Variants in AFG2A observed in about 807,000 individuals in gnomAD.
The protein encoded by AFG2A is AAA ATPase AFG2A.
At chr4:123,242,605 G>T in the AFG2A span, among the ~76,000 whole-genome samples, 1 of 152,272 alleles carries the variant, frequency 6.6e-6, no homozygotes, top group South Asian at 2.1e-4. Flanking sequence ...AATTCAAGAT[G>T]TATTAAAGAC....
chr4:122,934,178 A>C, the AFG2A span: 2 of 1,614,172 alleles, frequency 1.2e-6, no homozygotes, highest in East Asian at 2.2e-5. Flanking sequence ...TTGCGAGTGA[A>C]AGGGGCAGAT....
At chr4:122,927,708 A>G in the AFG2A span, 1 of 1,613,398 alleles carries the variant, frequency 6.2e-7, no homozygotes, top group Non-Finnish European at 8.5e-7. Context: ...GTCTGCAAAT[A>G]TATGTATAGG....
the AFG2A span, among the ~76,000 whole-genome samples, chr4:123,099,945 A>G: frequency 2.6e-5 from 4 of 152,016 alleles, 1 homozygote; most frequent in Admixed American, 2.6e-4. Context: ...GTGTTTAGAT[A>G]TATTTGTTTA....
the AFG2A span, among the ~76,000 whole-genome samples, chr4:123,003,125 G>A: frequency 1.3e-5 from 2 of 152,006 alleles, no homozygotes; most frequent in Admixed American, 6.6e-5. Flanking sequence ...CATTCTTCAC[G>A]TAGTTCTCGA....
At chr4:123,238,161 CAA>C in the AFG2A span, among the ~76,000 whole-genome samples, 46 of 152,278 alleles carry the variant, frequency 3.0e-4, no homozygotes, top group South Asian at 7.1e-3. Flanking sequence ...AGTAGGTAAA[CAA>C]AGTGGCCAGG....
At chr4:123,143,349 C>G in the AFG2A span, among the ~76,000 whole-genome samples, 1 of 152,058 alleles carries the variant, frequency 6.6e-6, no homozygotes, top group African/African-American at 2.4e-5. Context: ...GTCGCTATTA[C>G]ATTAACTATA....
the AFG2A span, among the ~76,000 whole-genome samples, chr4:123,033,201 A>G: frequency 1.3e-5 from 2 of 152,214 alleles, no homozygotes; most frequent in African/African-American, 4.8e-5. Context: ...GATTACAAAT[A>G]AGGATAATGA....
the AFG2A span, among the ~76,000 whole-genome samples, chr4:123,152,069 T>G: frequency 2.0e-5 from 3 of 150,448 alleles, no homozygotes; most frequent in East Asian, 5.9e-4. Flanking sequence ...TAAGTGGGAG[T>G]TGAACAATGA....
the AFG2A span, among the ~76,000 whole-genome samples, chr4:123,146,048 T>C: frequency 3.3e-5 from 5 of 152,250 alleles, no homozygotes; most frequent in Non-Finnish European, 7.4e-5. Flanking sequence ...GAGATTGATT[T>C]GCTGTCATGA....
the AFG2A span, among the ~76,000 whole-genome samples, chr4:123,166,245 C>T: frequency 6.6e-6 from 1 of 152,166 alleles, no homozygotes; most frequent in East Asian, 1.9e-4. Context: ...ACAATCTAAT[C>T]AGCTTCAGAC....
At chr4:123,143,490 T>C in the AFG2A span, among the ~76,000 whole-genome samples, 9 of 152,182 alleles carry the variant, frequency 5.9e-5, no homozygotes, top group Admixed American at 5.9e-4. Context: ...TTGATGTATA[T>C]ATGGCTCTTA....
chr4:123,116,030 G>T, the AFG2A span, among the ~76,000 whole-genome samples: 1 of 151,998 alleles, frequency 6.6e-6, no homozygotes, highest in Non-Finnish European at 1.5e-5. Context: ...CACCCAAGTA[G>T]CTGGGACTAC....
At chr4:123,245,011 T>C in the AFG2A span, among the ~76,000 whole-genome samples, 5 of 152,208 alleles carry the variant, frequency 3.3e-5, no homozygotes, top group African/African-American at 9.6e-5. Context: ...ACAGTTTCTT[T>C]GTATAGAAAT....
the AFG2A span, among the ~76,000 whole-genome samples, chr4:123,219,203 A>C: frequency 1.8e-4 from 28 of 152,238 alleles, no homozygotes; most frequent in East Asian, 1.9e-4. Context: ...TCCACAGTCC[A>C]AAGGCTGGAT....
At chr4:122,966,946 G>A in the AFG2A span, among the ~76,000 whole-genome samples, 4 of 152,136 alleles carry the variant, frequency 2.6e-5, no homozygotes, top group Non-Finnish European at 5.9e-5. Context: ...ATATTGAAAA[G>A]AGTGCCCATG....
the AFG2A span, chr4:122,935,851 C>A: frequency 6.2e-7 from 1 of 1,601,984 alleles, no homozygotes; most frequent in Non-Finnish European, 8.5e-7. Context: ...CAAGTAAGTA[C>A]ATGATTTAAT....
chr4:123,072,752 C>G, the AFG2A span, among the ~76,000 whole-genome samples: 1 of 152,020 alleles, frequency 6.6e-6, no homozygotes, highest in Non-Finnish European at 1.5e-5. Flanking sequence ...GAAGTCCAGT[C>G]TAACATGGAT....
the AFG2A span, among the ~76,000 whole-genome samples, chr4:123,240,844 G>T: frequency 1.3e-5 from 2 of 152,146 alleles, no homozygotes; most frequent in Non-Finnish European, 2.9e-5. Context: ...GAATCCAGGA[G>T]CTGGTTTTTT....
At chr4:122,987,448 C>G in the AFG2A span, among the ~76,000 whole-genome samples, 12 of 152,046 alleles carry the variant, frequency 7.9e-5, no homozygotes, top group African/African-American at 2.9e-4. Flanking sequence ...TAAGGGCTTA[C>G]TAGAGCTATT....
Sources: allele counts gnomAD v4.1 joint callset (sites outside exome capture counted in the v4.1 genomes callset), GRCh38; gene constraint gnomAD v4.1.1; transcripts MANE v1.5; gene names NCBI Gene and HGNC (gene_info 2026-07-23, HGNC 2026-07-21).